The following WDR75 variants were observed in gnomAD, a reference collection of about 807,000 sequenced individuals.
The protein encoded by WDR75 is WD repeat-containing protein 75.
A neutral mutation model predicts 106.1 loss-of-function variants in WDR75; 52 were observed. The observed-to-expected ratio is 0.49, with a 90% CI of 0.39 to 0.62. The LOEUF (loss-of-function observed/expected upper bound fraction) is 0.62. Ranked by LOEUF, WDR75 falls within the 20% of genes least tolerant of loss-of-function variation. The pLI, the probability that WDR75 is intolerant of heterozygous loss-of-function variation, is 0.00. For synonymous variants in WDR75, 333 were observed against 335.5 expected (o/e 0.99, Z 0.08); for missense variants, 905 against 970.3 (o/e 0.93, Z 0.89).
chr2:189,468,453 C>T, intron 14 of WDR75, 22 bp from the exon 15 acceptor site: 6 of 1,611,350 alleles, frequency 3.7e-6, no homozygotes, highest in Non-Finnish European at 5.1e-6. Flanking sequence ...CTGTTGCTAA[C>T]TTCCTTGTGG....
intron 18 of WDR75, among the ~76,000 whole-genome samples, chr2:189,473,495 A>G (rs775554785): frequency 1.3e-5 from 2 of 152,142 alleles, no homozygotes; most frequent in Non-Finnish European, 2.9e-5. Context: ...ATTTAGACCT[A>G]CCTGTCAGTG....
intron 2 of WDR75, chr2:189,449,997 G>A (rs998555535): frequency 1.0e-5 from 10 of 985,176 alleles, no homozygotes; most frequent in Admixed American, 6.2e-5. Context: ...TAAGTACACT[G>A]GGACAAAAGT....
Position 189,450,932 on chromosome 2 carries a change from T to G in WDR75, c.246T>G (p.Ile82Met), listed in dbSNP as rs572718447. The G allele has an allele frequency of 1.2e-6, 2 of 1,611,368 alleles. No individual in the cohort carries two copies. The highest frequency in any genetic ancestry group is 2.2e-5 in the South Asian group (2 of 90,304). ...QLYSCSLDGT[I>M]KLWDYIDGIL... ...ATTCTTGTTCCCTTGATGGCACAAT[T>G]AAACTGTGGGACTATATAGATGGCA... The change falls in exon 3 of 21, where the codon ATT becomes ATG. Residue 82 changes from isoleucine (I) to methionine (M), a missense_variant. Transcript: ENST00000314761.
In WDR75 at chr2:189,467,467, G is replaced by GA; in HGVS notation, c.1452dup (p.Ala485SerfsTer7). On this transcript the variant is annotated frameshift_variant and splice_region_variant. Transcript: ENST00000314761. LOFTEE classifies it high-confidence loss of function. Reference sequence around the variant, plus strand: ...GAACATTATGGCTTATATTTCCACAGAAAAAGCTGTTGGCTGGACCTGTGA... The same window carrying GA: ...GAACATTATGGCTTATATTTCCACAGAAAAAAGCTGTTGGCTGGACCTGTGA... 1 of 1,593,046 alleles carries GA rather than the reference G, an allele frequency of 6.3e-7. No homozygotes were observed. Among genetic ancestry groups the GA allele is most frequent in the Non-Finnish European group, 8.5e-7 (1 of 1,169,748 alleles).
At chr2:189,470,927 A>G in intron 18 of WDR75, 49 bp downstream of exon 18, 17 of 1,404,514 alleles carry the variant, frequency 1.2e-5, no homozygotes, top group Non-Finnish European at 1.6e-5. Context: ...CTAAAAGGAT[A>G]CAATTACCTT....
chr2:189,451,713 G>T, intron 3 of WDR75, 92 bp from the exon 4 acceptor site: 1 of 1,114,972 alleles, frequency 9.0e-7, no homozygotes. Context: ...ATACAGCAAT[G>T]AGCAAAATAC....
intron 1 of WDR75, among the ~76,000 whole-genome samples, chr2:189,442,679 G>A (rs1318497551): frequency 6.6e-6 from 1 of 151,950 alleles, no homozygotes; most frequent in Non-Finnish European, 1.5e-5. Context: ...GGAACTCCTG[G>A]CCTCAAGTGA....
chr2:189,468,546 G>A lies in WDR75; in HGVS notation c.1700G>A (p.Cys567Tyr). ...GCTACTGAAAATGGCATTCTTTGCT[G>A]TTGGAATCTGCTGAGCTGTGCATGT... ...LGATENGILCCWNLLSCALEW... is the reference protein window; with the variant it reads ...LGATENGILCYWNLLSCALEW... The change falls in exon 15 of 21, where the codon TGT becomes TAT. Residue 567 changes from cysteine (C) to tyrosine (Y), a missense_variant. Transcript: ENST00000314761. 1 of 1,613,268 alleles carries A rather than the reference G, an allele frequency of 6.2e-7. No homozygotes were observed. The highest frequency in any genetic ancestry group is 8.5e-7 in the Non-Finnish European group (1 of 1,179,380).
Position 189,469,366 on chromosome 2 carries a change from T to C in WDR75, c.1746T>C (p.Asn582=). ...CAGTGGAGTGGAATGCAAAATTAAA[T>C]GTTAGAGTTATGGAACCCGATCCTA... is the stretch of plus-strand genomic sequence containing the variant. The part of the protein sequence containing the change: ...SCALEWNAKL[N]VRVMEPDPNS... The change falls in exon 16 of 21, where the codon AAT becomes AAC. Residue 582 remains asparagine (N), a synonymous_variant. Coordinates refer to ENST00000314761, the MANE Select transcript of WDR75 (RefSeq NM_032168.3). 2 of 1,613,448 alleles carry C rather than the reference T, an allele frequency of 1.2e-6. No individual in the cohort carries two copies. The highest frequency in any genetic ancestry group is 1.7e-6 in the Non-Finnish European group (2 of 1,179,498).
In WDR75 at chr2:189,466,497, A is replaced by G. The variant is rs751318112; in HGVS notation, c.1362A>G (p.Glu454=). The part of the protein sequence containing the change: ...CITALCFCNA[E]KSEQPTLVTA... ...CAGCTCTCTGTTTCTGTAATGCAGA[A>G]AAATCTGAACAGCCCACCTTGGTTA... Residue 454 remains glutamate, a synonymous_variant, in exon 13 of 21, where the codon GAA becomes GAG. Transcript: ENST00000314761. 3.1e-6 allele frequency: 5 copies of G among 1,613,354 alleles called. No individual in the cohort carries two copies. Among genetic ancestry groups the G allele is most frequent in the Non-Finnish European group, 4.2e-6 (5 of 1,179,514 alleles).
rs913105403 is a variant in WDR75, at chr2:189,470,867, A to G, written c.2038A>G (p.Thr680Ala). 12 of 1,602,538 alleles carry G rather than the reference A, an allele frequency of 7.5e-6. No homozygotes were observed. The highest frequency in any genetic ancestry group is 1.0e-5 in the Non-Finnish European group (12 of 1,175,596). ...TKSPEEKLTP[T>A]SKQLLAEESL... ...GTCTCCAGAAGAAAAACTCACACCA[A>G]CAAGCAAACAGGTATGTTTTAGCCA... Residue 680 changes from threonine (T) to alanine (A), a missense_variant, in exon 18 of 21, where the codon ACA becomes GCA. Transcript: ENST00000314761.
At chr2:189,456,629 T>A (rs886117966) in intron 5 of WDR75, among the ~76,000 whole-genome samples, 1 of 151,992 alleles carries the variant, frequency 6.6e-6, no homozygotes, top group Non-Finnish European at 1.5e-5. Context: ...CATTGAGGAA[T>A]GACTGTAAAG....
At chr2:189,471,322 C>T (rs1217750162) in intron 18 of WDR75, among the ~76,000 whole-genome samples, 1 of 152,174 alleles carries the variant, frequency 6.6e-6, no homozygotes, top group Admixed American at 6.5e-5. Flanking sequence ...TTCACATCAG[C>T]ACTCCCTGCA....
chr2:189,474,379 G>A (rs976292553), intron 19 of WDR75, 47 bp downstream of exon 19: 1 of 1,565,576 alleles, frequency 6.4e-7, no homozygotes, highest in South Asian at 1.2e-5. Flanking sequence ...TGCACTTAAA[G>A]CACCTGAAGT....
At position 189,475,484 on chromosome 2, in the gene WDR75, C is replaced by G; in HGVS notation, c.*67C>G. On this transcript the variant is annotated 3_prime_UTR_variant, in exon 21 of 21. Coordinates refer to ENST00000314761, the MANE Select transcript of WDR75 (RefSeq NM_032168.3). ...TTGTATGTTGATATTCTAAAAACAT[C>G]TATTTTAATGTTATTTCTGTTCTAA... 1.0e-5 allele frequency: 10 copies of G among 953,322 alleles called. No individual in the cohort carries two copies. The highest frequency in any genetic ancestry group is 1.4e-5 in the Non-Finnish European group (9 of 652,276). 59.1% of individuals were successfully genotyped at this position (953,322 alleles called of 1,614,324 possible).
rs1012995096 is a variant in WDR75 at position 189,441,582 on chromosome 2, T to C, written c.86+4T>C. 23 of 1,555,218 alleles carry C rather than the reference T, an allele frequency of 1.5e-5. No individual in the cohort carries two copies. The highest frequency in any genetic ancestry group is 2.0e-5 in the Non-Finnish European group (23 of 1,148,356). On this transcript the variant is annotated splice_donor_region_variant and intron_variant, in intron 1 of 20. Coordinates refer to ENST00000314761, the MANE Select transcript of WDR75 (RefSeq NM_032168.3). The stretch of plus-strand genomic sequence containing the variant: ...CTGTGTTCTCTGCAGATTCTAAGTA[T>C]GAGGGGCACCGCGCTTTGTCGGCTG...
intron 5 of WDR75, among the ~76,000 whole-genome samples, chr2:189,456,337 G>A (rs1686736016): frequency 6.6e-6 from 1 of 152,024 alleles, no homozygotes; most frequent in African/African-American, 2.4e-5. Flanking sequence ...ATGTGTACAA[G>A]AGTGATTATT....
chr2:189,463,458 G>A (rs1686940750), intron 9 of WDR75, among the ~76,000 whole-genome samples: 1 of 152,032 alleles, frequency 6.6e-6, no homozygotes, highest in Admixed American at 6.6e-5. Context: ...TCTAACCCAG[G>A]GGTGTCCAAT....
At chr2:189,446,709 A>G (rs140019974) in intron 1 of WDR75, among the ~76,000 whole-genome samples, 4 of 152,344 alleles carry the variant, frequency 2.6e-5, no homozygotes, top group Non-Finnish European at 5.9e-5. Context: ...GTGGATGCCT[A>G]GAACCACAGG....
Sources: allele counts gnomAD v4.1 joint callset (sites outside exome capture counted in the v4.1 genomes callset), GRCh38; gene constraint gnomAD v4.1.1; transcripts MANE v1.5; gene names NCBI Gene and HGNC (gene_info 2026-07-23, HGNC 2026-07-21).